The following MITF variants were observed in gnomAD, a reference collection of about 807,000 sequenced individuals.
MITF encodes melanocyte inducing transcription factor.
In MITF, 17 loss-of-function variants were observed where a neutral mutation model predicts 60.5. The ratio of observed to expected loss-of-function variants is 0.28; its 90% CI spans 0.19 to 0.42. MITF has a LOEUF of 0.42. MITF is among the 10% of genes least tolerant of loss of function. The pLI is 1.00. For synonymous variants in MITF, 260 were observed against 248.5 expected (o/e 1.05, Z -0.43); for missense variants, 622 against 683.5 (o/e 0.91, Z 1.00).
At chr3:69,806,226 A>G (rs1054925342) in intron 1 of MITF, among the ~76,000 whole-genome samples, 1 of 151,922 alleles carries the variant, frequency 6.6e-6, no homozygotes, top group Non-Finnish European at 1.5e-5. Flanking sequence ...CTGGGATTAC[A>G]GGTACCCACC....
chr3:69,789,706 T>C (rs982876961), intron 1 of MITF, among the ~76,000 whole-genome samples: 1 of 151,944 alleles, frequency 6.6e-6, no homozygotes, highest in Non-Finnish European at 1.5e-5. Context: ...AAATAAAAAA[T>C]TTAGCTGGGC....
chr3:69,860,073 G>A (rs569202150), intron 1 of MITF, among the ~76,000 whole-genome samples: 1 of 152,176 alleles, frequency 6.6e-6, no homozygotes, highest in East Asian at 1.9e-4. Flanking sequence ...ACTTTGTGTT[G>A]TCTCACCTAC....
At chr3:69,932,477 C>A (rs1335719118) in intron 2 of MITF, among the ~76,000 whole-genome samples, 3 of 152,040 alleles carry the variant, frequency 2.0e-5, no homozygotes, top group Non-Finnish European at 4.4e-5. Context: ...TGGACAGACT[C>A]CTGTTGTAGA....
At chr3:69,933,404 T>C (rs1346830254) in intron 2 of MITF, among the ~76,000 whole-genome samples, 1 of 152,122 alleles carries the variant, frequency 6.6e-6, no homozygotes, top group Admixed American at 6.6e-5. Context: ...CCAGGATCTC[T>C]TTAGAATGAA....
At chr3:69,931,137 C>G (rs979545877) in intron 2 of MITF, among the ~76,000 whole-genome samples, 2 of 152,094 alleles carry the variant, frequency 1.3e-5, no homozygotes, top group South Asian at 4.1e-4. Context: ...AAGCTAGGAG[C>G]GCATGTAAAA....
At chr3:69,783,795 A>G (rs1449406219) in intron 1 of MITF, among the ~76,000 whole-genome samples, 1 of 152,152 alleles carries the variant, frequency 6.6e-6, no homozygotes, top group Non-Finnish European at 1.5e-5. Context: ...GGATGTGTTA[A>G]AAATAGGAAT....
intron 1 of MITF, among the ~76,000 whole-genome samples, chr3:69,776,048 T>C (rs1430770377): frequency 4.6e-5 from 7 of 151,762 alleles, no homozygotes; most frequent in African/African-American, 1.7e-4. Flanking sequence ...AACTGAAGAG[T>C]TTTAAAGAGG....
At chr3:69,802,538 C>G (rs1179149782) in intron 1 of MITF, among the ~76,000 whole-genome samples, 1 of 151,956 alleles carries the variant, frequency 6.6e-6, no homozygotes, top group Non-Finnish European at 1.5e-5. Context: ...GGTGACAGGC[C>G]AAGTACAGGG....
chr3:69,910,740 T>C (rs1014586576), intron 2 of MITF, among the ~76,000 whole-genome samples: 5 of 152,164 alleles, frequency 3.3e-5, no homozygotes, highest in Admixed American at 6.5e-5. Context: ...GGCCAATTTA[T>C]CCCATTTGGA....
intron 2 of MITF, among the ~76,000 whole-genome samples, chr3:69,884,081 T>G (rs975468191): frequency 2.6e-5 from 4 of 152,176 alleles, no homozygotes. Flanking sequence ...ACACATAAGG[T>G]AATTTTCTCT....
chr3:69,866,109 C>A, intron 1 of MITF: 1 of 1,171,762 alleles, frequency 8.5e-7, no homozygotes, highest in Non-Finnish European at 1.1e-6. Context: ...ACAGTAGGTA[C>A]TGGATTAAAC....
chr3:69,757,687 A>C (rs1205027229), intron 1 of MITF, among the ~76,000 whole-genome samples: 3 of 152,162 alleles, frequency 2.0e-5, no homozygotes, highest in African/African-American at 7.2e-5. Context: ...CAGAATAGAT[A>C]TATTTCTTGA....
intron 5 of MITF, among the ~76,000 whole-genome samples, chr3:69,946,766 C>A (rs762362375): frequency 6.6e-6 from 1 of 152,112 alleles, no homozygotes; most frequent in Admixed American, 6.6e-5. Flanking sequence ...CAGTAGAGTG[C>A]CCAATGAGGC....
At chr3:69,765,578 G>A (rs2062277696) in intron 1 of MITF, among the ~76,000 whole-genome samples, 1 of 152,088 alleles carries the variant, frequency 6.6e-6, no homozygotes, top group African/African-American at 2.4e-5. Flanking sequence ...AGAAAAATAA[G>A]ATTAAACTGA....
chr3:69,917,555 A>G (rs80123121), intron 2 of MITF, among the ~76,000 whole-genome samples: 2,386 of 151,976 alleles, frequency 0.016, 28 homozygotes, highest in Middle Eastern at 0.051. Flanking sequence ...TCCTTATATA[A>G]CATTCCTTAT....
chr3:69,840,028 T>C (rs971418848), intron 1 of MITF, among the ~76,000 whole-genome samples: 4 of 152,166 alleles, frequency 2.6e-5, no homozygotes, highest in Non-Finnish European at 5.9e-5. Context: ...CCATTTCAGC[T>C]GATCAGTAAT....
intron 1 of MITF, among the ~76,000 whole-genome samples, chr3:69,858,104 A>G (rs2107201833): frequency 6.6e-6 from 1 of 152,182 alleles, no homozygotes; most frequent in Admixed American, 6.5e-5. Context: ...TTTGTCTTTT[A>G]TATTATTTCA....
intron 2 of MITF, among the ~76,000 whole-genome samples, chr3:69,902,908 T>G (rs1013846167): frequency 2.0e-5 from 3 of 152,214 alleles, no homozygotes; most frequent in Non-Finnish European, 4.4e-5. Flanking sequence ...TTTTGAATTT[T>G]AAATTACTTT....
intron 1 of MITF, 35 bp from the exon 2 acceptor site, chr3:69,879,099 A>C: frequency 6.3e-7 from 1 of 1,585,962 alleles, no homozygotes; most frequent in Non-Finnish European, 8.7e-7. Context: ...CTCATTAGGA[A>C]ACTAAATGTT....
Sources: gnomAD v4.1 joint callset for allele counts (sites outside exome capture counted in the v4.1 genomes callset) on GRCh38, gnomAD v4.1.1 for gene constraint, MANE v1.5 for transcripts, NCBI Gene and HGNC (gene_info 2026-07-23, HGNC 2026-07-21) for gene names.